CFAP299: variants seen among roughly 807,000 people sequenced by gnomAD.
The protein encoded by CFAP299 is cilia and flagella associated protein 299.
Under a neutral mutation model 27.0 loss-of-function variants are expected in CFAP299, and 21 were observed. The observed-to-expected ratio is 0.78, with a 90% CI of 0.55 to 1.12. The LOEUF (loss-of-function observed/expected upper bound fraction) is 1.12, where lower values mean the gene tolerates loss of function less well. CFAP299 is among the 50% of genes most tolerant of loss of function. CFAP299 has a pLI of 0.00. For synonymous variants in CFAP299, 104 were observed against 98.1 expected (o/e 1.06, Z -0.36); for missense variants, 310 against 276.6 (o/e 1.12, Z -0.86).
chr4:80,584,449 A>G (rs1578634050), intron 3 of CFAP299, among the ~76,000 whole-genome samples: 1 of 152,048 alleles, frequency 6.6e-6, no homozygotes, highest in East Asian at 1.9e-4. Flanking sequence ...AGAAAATACT[A>G]GTTAAAAATT....
At chr4:80,883,559 A>T (rs1733820994) in intron 4 of CFAP299, among the ~76,000 whole-genome samples, 1 of 152,180 alleles carries the variant, frequency 6.6e-6, no homozygotes, top group Non-Finnish European at 1.5e-5. Flanking sequence ...TAAGGACACA[A>T]ATAGGCTGAA....
At chr4:80,932,670 C>G (rs939129523) in intron 4 of CFAP299, among the ~76,000 whole-genome samples, 1 of 152,092 alleles carries the variant, frequency 6.6e-6, no homozygotes, top group Non-Finnish European at 1.5e-5. Flanking sequence ...GTTTAAATAT[C>G]TCTATCATAT....
chr4:80,869,791 C>T (rs1473633047), intron 3 of CFAP299, among the ~76,000 whole-genome samples: 14 of 152,176 alleles, frequency 9.2e-5, no homozygotes, highest in Admixed American at 3.9e-4. Context: ...GGATTACAGG[C>T]GTGAGCCACG....
At chr4:80,781,180 C>G (rs2110091022) in intron 3 of CFAP299, among the ~76,000 whole-genome samples, 1 of 152,076 alleles carries the variant, frequency 6.6e-6, no homozygotes, top group South Asian at 2.1e-4. Flanking sequence ...GGTACAAATT[C>G]ACACCATTTT....
At chr4:80,506,962 T>A (rs939274032) in intron 2 of CFAP299, among the ~76,000 whole-genome samples, 1 of 152,206 alleles carries the variant, frequency 6.6e-6, no homozygotes, top group African/African-American at 2.4e-5. Flanking sequence ...AACAATATTT[T>A]AAATTTTTAG....
At chr4:80,736,015 C>G (rs1043314572) in intron 3 of CFAP299, among the ~76,000 whole-genome samples, 1 of 151,898 alleles carries the variant, frequency 6.6e-6, no homozygotes, top group African/African-American at 2.4e-5. Context: ...GGTATTATTC[C>G]TCCCATTTTG....
At chr4:80,324,535 T>C in the CFAP299 span, among the ~76,000 whole-genome samples, 3 of 152,158 alleles carry the variant, frequency 2.0e-5, no homozygotes, top group Non-Finnish European at 4.4e-5. Flanking sequence ...TAGGCATGCG[T>C]CTAGAGTCAC....
chr4:80,646,555 GTTTC>G (rs1159105483), intron 3 of CFAP299, among the ~76,000 whole-genome samples: 1 of 152,106 alleles, frequency 6.6e-6, no homozygotes, highest in Non-Finnish European at 1.5e-5. Flanking sequence ...TAATTTTTAA[GTTTC>G]TTTAAAAGTT....
chr4:80,750,903 A>G (rs939390440), intron 3 of CFAP299, among the ~76,000 whole-genome samples: 1 of 152,180 alleles, frequency 6.6e-6, no homozygotes, highest in African/African-American at 2.4e-5. Flanking sequence ...ATTTCTAGGC[A>G]TACAGCTCCT....
chr4:80,644,209 G>A (rs1739867823), intron 3 of CFAP299, among the ~76,000 whole-genome samples: 1 of 152,140 alleles, frequency 6.6e-6, no homozygotes, highest in Non-Finnish European at 1.5e-5. Flanking sequence ...CAAAACATGT[G>A]CTTTGTGTGT....
intron 3 of CFAP299, among the ~76,000 whole-genome samples, chr4:80,765,752 TAA>T (rs1217503629): frequency 7.2e-5 from 11 of 151,972 alleles, no homozygotes; most frequent in Non-Finnish European, 1.3e-4. Context: ...GTGTAATAAT[TAA>T]AGAGGATTTA....
chr4:80,389,864 T>TA (rs1725230301), intron 2 of CFAP299, among the ~76,000 whole-genome samples: 1 of 152,198 alleles, frequency 6.6e-6, no homozygotes, highest in Non-Finnish European at 1.5e-5. Context: ...AGAAAGTGCC[T>TA]AAAGTCTTTC....
chr4:80,506,766 T>C (rs1018933717), intron 2 of CFAP299, among the ~76,000 whole-genome samples: 2 of 152,144 alleles, frequency 1.3e-5, no homozygotes, highest in Non-Finnish European at 2.9e-5. Context: ...CTGAATGATC[T>C]GAAAAGCAAA....
chr4:80,625,137 T>C (rs1458990426), intron 3 of CFAP299, among the ~76,000 whole-genome samples: 1 of 152,124 alleles, frequency 6.6e-6, no homozygotes, highest in Non-Finnish European at 1.5e-5. Flanking sequence ...TAAATCTGTA[T>C]TATAAAGGTT....
chr4:80,800,552 AT>A (rs1461724948), intron 3 of CFAP299, among the ~76,000 whole-genome samples: 907 of 42,100 alleles, frequency 0.022, 31 homozygotes, highest in Non-Finnish European at 0.024. Flanking sequence ...TAATATATCA[AT>A]ATATTATATA....
intron 4 of CFAP299, among the ~76,000 whole-genome samples, chr4:80,935,332 C>T (rs76946221): frequency 6.6e-6 from 1 of 152,024 alleles, no homozygotes; most frequent in Non-Finnish European, 1.5e-5. Flanking sequence ...GCTACAGTAA[C>T]CAAAACTACA....
chr4:80,554,476 C>CT, intron 2 of CFAP299, among the ~76,000 whole-genome samples: 1 of 103,174 alleles, frequency 9.7e-6, no homozygotes, highest in Non-Finnish European at 2.0e-5. Context: ...TATTTGGGCT[C>CT]TTTTTGAGTC....
At chr4:80,623,004 CT>C (rs910993290) in intron 3 of CFAP299, among the ~76,000 whole-genome samples, 13 of 152,078 alleles carry the variant, frequency 8.5e-5, no homozygotes, top group Non-Finnish European at 1.9e-4. Context: ...CAACATGTCA[CT>C]TTTTTTAAAA....
At chr4:80,826,720 C>A (rs1049232524) in intron 3 of CFAP299, among the ~76,000 whole-genome samples, 2 of 151,748 alleles carry the variant, frequency 1.3e-5, no homozygotes, top group African/African-American at 2.4e-5. Flanking sequence ...TAGACATATG[C>A]AAGAACATTA....
Sources: gnomAD v4.1 joint callset for allele counts (sites outside exome capture counted in the v4.1 genomes callset) on GRCh38, gnomAD v4.1.1 for gene constraint, MANE v1.5 for transcripts, NCBI Gene and HGNC (gene_info 2026-07-23, HGNC 2026-07-21) for gene names.